CNTNAP2: variants seen among roughly 807,000 people sequenced by gnomAD.
The protein encoded by CNTNAP2 is contactin-associated protein-like 2.
Under a neutral mutation model 155.2 loss-of-function variants are expected in CNTNAP2, and 98 were observed. The observed-to-expected ratio is 0.63, with a 90% CI of 0.54 to 0.75. CNTNAP2 has a LOEUF of 0.75. Ranked by LOEUF, CNTNAP2 falls within the 30% of genes least tolerant of loss-of-function variation. CNTNAP2 has a pLI of 0.00. For missense variants in CNTNAP2, 1,727 were observed against 1,688.1 expected, an observed-to-expected ratio of 1.02 and a Z score of -0.40; for synonymous variants, 651 against 631.2, an observed-to-expected ratio of 1.03 and a Z score of -0.47.
At chr7:146,186,384 C>T (rs73452078) in intron 1 of CNTNAP2, among the ~76,000 whole-genome samples, 2,176 of 152,166 alleles carry the variant, frequency 0.014, 47 homozygotes, top group African/African-American at 0.048. Context: ...TACACTTTCC[C>T]TCAAGAATTA....
In CNTNAP2 at chr7:147,407,340, C is replaced by T. The variant is rs995011504; in HGVS notation, c.1670+11560C>T. The stretch of plus-strand genomic sequence containing the variant: ...AAAATTAGCCGGGCGTGGTGGCGGG[C>T]GCCTGTAGTCCCAGCTACTCGGGAG... On this transcript the variant is annotated intron_variant, in intron 10 of 23. Transcript: ENST00000361727. Among the ~76,000 whole-genome samples, 17 of 151,266 alleles carry T rather than the reference C, an allele frequency of 1.1e-4. 1 individual carries two copies. In the South Asian group the frequency reaches 1.3e-3, roughly 11 times the overall value.
chr7:147,873,320 A>C (rs928226788), intron 13 of CNTNAP2, among the ~76,000 whole-genome samples: 3 of 152,216 alleles, frequency 2.0e-5, no homozygotes, highest in Admixed American at 6.5e-5. Flanking sequence ...TAATAAGGAC[A>C]TACCTAAGAC....
At chr7:147,457,531 G>GCA (rs1797938224) in intron 10 of CNTNAP2, among the ~76,000 whole-genome samples, 1 of 149,856 alleles carries the variant, frequency 6.7e-6, no homozygotes, top group Non-Finnish European at 1.5e-5. Flanking sequence ...ATCTCCTGTC[G>GCA]TGAGACTACA....
At chr7:146,841,842 GA>G (rs909350226) in intron 3 of CNTNAP2, among the ~76,000 whole-genome samples, 3 of 150,068 alleles carry the variant, frequency 2.0e-5, no homozygotes, top group Non-Finnish European at 4.4e-5. Context: ...GAGACATAAG[GA>G]AAAAAGGCTA....
intron 3 of CNTNAP2, among the ~76,000 whole-genome samples, chr7:146,994,500 G>C (rs775233190): frequency 1.3e-5 from 2 of 152,066 alleles, no homozygotes; most frequent in Non-Finnish European, 2.9e-5. Flanking sequence ...TGACAATCAT[G>C]AAAAATAGAA....
At chr7:147,712,293 T>A (rs1796411506) in intron 13 of CNTNAP2, among the ~76,000 whole-genome samples, 1 of 152,210 alleles carries the variant, frequency 6.6e-6, no homozygotes, top group African/African-American at 2.4e-5. Flanking sequence ...TTTACACTGT[T>A]GGTGGGACTG....
intron 17 of CNTNAP2, among the ~76,000 whole-genome samples, chr7:148,154,765 T>A (rs1157696767): frequency 6.6e-6 from 1 of 152,118 alleles, no homozygotes; most frequent in Non-Finnish European, 1.5e-5. Flanking sequence ...GGTGAATTTC[T>A]GTCTTTACTA....
At chr7:147,523,274 C>T (rs935124353) in intron 11 of CNTNAP2, among the ~76,000 whole-genome samples, 1 of 152,112 alleles carries the variant, frequency 6.6e-6, no homozygotes, top group African/African-American at 2.4e-5. Flanking sequence ...CATGGCATCC[C>T]GGTTCACCAA....
intron 13 of CNTNAP2, among the ~76,000 whole-genome samples, chr7:147,735,842 A>G (rs1221175672): frequency 6.6e-6 from 1 of 151,610 alleles, no homozygotes; most frequent in Admixed American, 6.6e-5. Flanking sequence ...CTAGGATTGC[A>G]ACCCCTGCCT....
chr7:148,255,049 C>T (rs901553110), intron 20 of CNTNAP2, among the ~76,000 whole-genome samples: 22 of 151,910 alleles, frequency 1.4e-4, no homozygotes, highest in Admixed American at 4.6e-4. Flanking sequence ...CTATGTGTAA[C>T]GGTTAAAGTT....
At chr7:147,445,745 A>G (rs183391838) in intron 10 of CNTNAP2, among the ~76,000 whole-genome samples, 1 of 152,098 alleles carries the variant, frequency 6.6e-6, no homozygotes, top group African/African-American at 2.4e-5. Flanking sequence ...AAGCTGCATT[A>G]GTCTATCTAT....
Position 146,797,973 on chromosome 7 carries a change from C to A in CNTNAP2, c.208+23592C>A, listed in dbSNP as rs553371502. 7.2e-5 allele frequency among the ~76,000 whole-genome samples: 11 copies of A among 152,014 alleles called. No homozygotes were observed. The East Asian group carries it at 2.1e-3, about 29-fold the overall frequency. On this transcript the variant is annotated intron_variant, in intron 2 of 23. Coordinates refer to ENST00000361727, the MANE Select transcript of CNTNAP2 (RefSeq NM_014141.6). ...TGCCACACAGAAGCTATTCATATGA[C>A]AATTAAGTTGATATTTTTGGCCGAG...
chr7:146,670,219 T>C (rs1204342930), intron 1 of CNTNAP2, among the ~76,000 whole-genome samples: 2 of 152,174 alleles, frequency 1.3e-5, no homozygotes, highest in Non-Finnish European at 2.9e-5. Flanking sequence ...AGGCAACATC[T>C]GCTAAGAACA....
intron 12 of CNTNAP2, among the ~76,000 whole-genome samples, chr7:147,607,007 G>T (rs956113293): frequency 1.3e-5 from 2 of 152,008 alleles, no homozygotes; most frequent in Admixed American, 1.3e-4. Flanking sequence ...ACCAATTTTA[G>T]TCCCTTTGAA....
At chr7:146,753,266 G>GA (rs145349127) in intron 1 of CNTNAP2, among the ~76,000 whole-genome samples, 7,055 of 150,848 alleles carry the variant, frequency 0.047, 542 homozygotes, top group African/African-American at 0.16. Context: ...AATAACTCAG[G>GA]AAAAAAAATA....
chr7:147,849,810 G>C (rs186936203), intron 13 of CNTNAP2: 1 of 152,324 alleles, frequency 6.6e-6, no homozygotes, highest in East Asian at 1.9e-4. Context: ...GTCCTTTTTA[G>C]CAATAGGCAT....
chr7:148,374,664 A>C (rs1403215155), intron 21 of CNTNAP2, among the ~76,000 whole-genome samples: 2 of 152,208 alleles, frequency 1.3e-5, no homozygotes, highest in African/African-American at 4.8e-5. Flanking sequence ...ACTACATTTC[A>C]GTTGGTAATT....
At chr7:147,138,188 A>T (rs1029031058) in intron 8 of CNTNAP2, among the ~76,000 whole-genome samples, 1 of 151,904 alleles carries the variant, frequency 6.6e-6, no homozygotes, top group Non-Finnish European at 1.5e-5. Flanking sequence ...ATGGCTCTGT[A>T]TTCTTAGGGC....
intron 16 of CNTNAP2, among the ~76,000 whole-genome samples, chr7:148,123,628 G>A (rs1359843345): frequency 1.5e-5 from 2 of 134,646 alleles, no homozygotes; most frequent in South Asian, 5.1e-4. Context: ...ACAAGGAAGG[G>A]AGAGCAGGAA....
Sources: gnomAD v4.1 joint callset for allele counts (sites outside exome capture counted in the v4.1 genomes callset) on GRCh38, gnomAD v4.1.1 for gene constraint, MANE v1.5 for transcripts, NCBI Gene and HGNC (gene_info 2026-07-23, HGNC 2026-07-21) for gene names.